Variants in NCOA1 observed in about 807,000 individuals in gnomAD.
NCOA1 encodes nuclear receptor coactivator 1.
In NCOA1, 35 loss-of-function variants were observed where a neutral mutation model predicts 150.9. The observed-to-expected ratio is 0.23, with a 90% confidence interval of 0.18 to 0.31. NCOA1 has a LOEUF of 0.31. NCOA1 is among the 10% of genes least tolerant of loss of function. The pLI, the probability that NCOA1 is intolerant of heterozygous loss-of-function variation, is 1.00. For synonymous variants in NCOA1, 590 were observed against 630.0 expected, an observed-to-expected ratio of 0.94 and a Z score of 0.95; for missense variants, 1,491 against 1,749.3, an observed-to-expected ratio of 0.85 and a Z score of 2.63.
intron 2 of NCOA1, among the ~76,000 whole-genome samples, chr2:24,580,036 T>C (rs2148305237): frequency 6.6e-6 from 1 of 152,304 alleles, no homozygotes; most frequent in South Asian, 2.1e-4. Context: ...TGATCAGGTG[T>C]GGACGTCAGT....
intron 2 of NCOA1, among the ~76,000 whole-genome samples, chr2:24,575,794 C>T (rs192691540): frequency 0.014 from 2,127 of 152,108 alleles, 51 homozygotes; most frequent in African/African-American, 0.049. Flanking sequence ...AGGATGGTCT[C>T]GATCTCCTGA....
intron 1 of NCOA1, among the ~76,000 whole-genome samples, chr2:24,556,408 G>T (rs1387418089): frequency 1.3e-5 from 2 of 152,182 alleles, no homozygotes; most frequent in Non-Finnish European, 2.9e-5. Context: ...GGGCATTTGG[G>T]ATGATTCCAC....
chr2:24,655,347 T>A (rs935972271), intron 4 of NCOA1, among the ~76,000 whole-genome samples: 2 of 152,184 alleles, frequency 1.3e-5, no homozygotes, highest in Non-Finnish European at 2.9e-5. Flanking sequence ...ATCTATATGC[T>A]TGTATATACA....
intron 3 of NCOA1, among the ~76,000 whole-genome samples, chr2:24,595,163 C>G (rs1313683495): frequency 6.6e-6 from 1 of 151,988 alleles, no homozygotes; most frequent in Non-Finnish European, 1.5e-5. Flanking sequence ...AACCATGTTT[C>G]TATTTGATAG....
At position 24,743,629 on chromosome 2, in the gene NCOA1, T is replaced by C. The variant is rs533159528; in HGVS notation, c.3706+1443T>C. On this transcript the variant is annotated intron_variant, in intron 19 of 22. Coordinates refer to ENST00000348332, the MANE Select transcript of NCOA1 (RefSeq NM_003743.5). ...TTCCATGTGTCTTACAATTTCTGTA[T>C]GCAGAGAATTTGACAAAGCTTTTTC... is the stretch of plus-strand genomic sequence containing the variant. Among the ~76,000 whole-genome samples the C allele has an allele frequency of 5.3e-5, 8 of 152,344 alleles. No individual in the cohort carries two copies. The East Asian group carries it at 1.5e-3, about 29-fold the overall frequency.
intron 3 of NCOA1, among the ~76,000 whole-genome samples, chr2:24,611,915 T>A (rs1266890683): frequency 1.3e-5 from 2 of 152,168 alleles, no homozygotes; most frequent in Admixed American, 1.3e-4. Flanking sequence ...ACCGTTTACA[T>A]TCACAGTTAA....
At chr2:24,692,337 G>A (rs1672703579) in intron 9 of NCOA1, among the ~76,000 whole-genome samples, 1 of 152,134 alleles carries the variant, frequency 6.6e-6, no homozygotes, top group Admixed American at 6.5e-5. Flanking sequence ...CAATCAACTG[G>A]AGACTTTTTA....
intron 3 of NCOA1, among the ~76,000 whole-genome samples, chr2:24,604,890 C>T (rs1373573942): frequency 6.6e-6 from 1 of 152,134 alleles, no homozygotes; most frequent in Admixed American, 6.6e-5. Flanking sequence ...TTTCTCTAAG[C>T]TTAATCATTT....
chr2:24,731,412 A>C (rs1186081414), intron 17 of NCOA1, among the ~76,000 whole-genome samples: 6 of 152,208 alleles, frequency 3.9e-5, no homozygotes, highest in Non-Finnish European at 8.8e-5. Flanking sequence ...GAGACAAAAC[A>C]TGTAAAGCTT....
intron 1 of NCOA1, among the ~76,000 whole-genome samples, chr2:24,543,700 A>G (rs1302443843): frequency 6.6e-6 from 1 of 152,090 alleles, no homozygotes; most frequent in Non-Finnish European, 1.5e-5. Flanking sequence ...GACAGGAGAG[A>G]GAAATTGAGA....
intron 19 of NCOA1, among the ~76,000 whole-genome samples, chr2:24,746,396 AGCTG>A (rs1663918811): frequency 6.6e-6 from 1 of 152,042 alleles, no homozygotes; most frequent in African/African-American, 2.4e-5. Context: ...TACAAAAATC[AGCTG>A]GGTGTGGTGG....
At chr2:24,686,585 A>G (rs1189035473) in intron 8 of NCOA1, among the ~76,000 whole-genome samples, 1 of 152,110 alleles carries the variant, frequency 6.6e-6, no homozygotes, top group Non-Finnish European at 1.5e-5. Context: ...CTATCCTCTT[A>G]TTTCCATTCC....
chr2:24,730,674 T>A (rs1224961958), intron 17 of NCOA1, among the ~76,000 whole-genome samples: 1 of 151,958 alleles, frequency 6.6e-6, no homozygotes, highest in Non-Finnish European at 1.5e-5. Flanking sequence ...TATTTAAGAT[T>A]GTATAAGCAA....
At chr2:24,595,628 C>T (rs1344605562) in intron 3 of NCOA1, among the ~76,000 whole-genome samples, 1 of 152,032 alleles carries the variant, frequency 6.6e-6, no homozygotes, top group Non-Finnish European at 1.5e-5. Context: ...TTGTGATTTA[C>T]CCAATGATAT....
At chr2:24,651,419 A>G (rs1392761333) in intron 4 of NCOA1, among the ~76,000 whole-genome samples, 1 of 152,128 alleles carries the variant, frequency 6.6e-6, no homozygotes, top group East Asian at 1.9e-4. Flanking sequence ...GTGAGCCTGG[A>G]GGACATTTTG....
intron 3 of NCOA1, among the ~76,000 whole-genome samples, chr2:24,614,196 A>ATTTTTTTTTTTTTTTTTTTTTTT (rs1558840251): frequency 7.6e-5 from 1 of 13,160 alleles, no homozygotes; most frequent in Non-Finnish European, 1.8e-4. Context: ...ATTCATTTCC[A>ATTTTTTTTTTTTTTTTTTTTTTT]TTCTTTTTTT....
chr2:24,705,008 T>C, intron 11 of NCOA1, 78 bp from the exon 12 acceptor site: 1 of 1,481,838 alleles, frequency 6.7e-7, no homozygotes, highest in South Asian at 1.3e-5. Context: ...AGGTTCTAAG[T>C]AGAAATAAAA....
chr2:24,690,700 A>T (rs1404959787), intron 8 of NCOA1, among the ~76,000 whole-genome samples: 1 of 145,758 alleles, frequency 6.9e-6, no homozygotes, highest in Non-Finnish European at 1.5e-5. Context: ...AAACCCTCTG[A>T]TCATCTCATG....
intron 1 of NCOA1, among the ~76,000 whole-genome samples, chr2:24,506,029 C>A (rs941551181): frequency 6.6e-6 from 1 of 151,744 alleles, no homozygotes; most frequent in Admixed American, 6.6e-5. Flanking sequence ...GCCATTGGAG[C>A]CTTTGGATCT....
Sources: gnomAD v4.1 joint callset for allele counts (sites outside exome capture counted in the v4.1 genomes callset) on GRCh38, gnomAD v4.1.1 for gene constraint, MANE v1.5 for transcripts, NCBI Gene and HGNC (gene_info 2026-07-23, HGNC 2026-07-21) for gene names.